CD86: variants seen among roughly 807,000 people sequenced by gnomAD.
CD86 encodes CD86 molecule.
CD86 carries 11 observed loss-of-function variants against 32.1 expected under a neutral mutation model. That is an observed-to-expected ratio of 0.34 (90% CI 0.22 to 0.57). The LOEUF (loss-of-function observed/expected upper bound fraction) is 0.57, where lower values mean the gene tolerates loss of function less well. Ranked by LOEUF, CD86 falls within the 20% of genes least tolerant of loss-of-function variation. The pLI, the probability that CD86 is intolerant of heterozygous loss-of-function variation, is 0.86. For synonymous variants in CD86, 137 were observed against 135.3 expected (o/e 1.01, Z -0.09); for missense variants, 359 against 398.4 (o/e 0.90, Z 0.84).
intron 2 of CD86, among the ~76,000 whole-genome samples, chr3:122,098,528 G>A (rs2072945101): frequency 6.6e-6 from 1 of 152,152 alleles, no homozygotes; most frequent in Non-Finnish European, 1.5e-5. Flanking sequence ...TTTGGATGTA[G>A]TTCTCAGTGT....
chr3:122,066,959 A>C (rs570114776), intron 1 of CD86, among the ~76,000 whole-genome samples: 3 of 152,306 alleles, frequency 2.0e-5, no homozygotes, highest in African/African-American at 7.2e-5. Context: ...CTAGATCTGC[A>C]AGGAAGAGTA....
chr3:122,063,423 C>T (rs1166571570), intron 1 of CD86, among the ~76,000 whole-genome samples: 2 of 151,786 alleles, frequency 1.3e-5, no homozygotes, highest in African/African-American at 4.8e-5. Context: ...TAAGAATCAA[C>T]CTAAATAAGT....
At chr3:122,064,105 C>T (rs1030998863) in intron 1 of CD86, among the ~76,000 whole-genome samples, 1 of 152,008 alleles carries the variant, frequency 6.6e-6, no homozygotes, top group Admixed American at 6.6e-5. Flanking sequence ...TCACAGGCAG[C>T]TTTTGAGGCA....
intron 4 of CD86, 140 bp downstream of exon 4, chr3:122,106,640 G>A (rs1217204335): frequency 4.2e-6 from 3 of 712,582 alleles, no homozygotes; most frequent in Non-Finnish European, 7.1e-6. Flanking sequence ...CCCAGATGGA[G>A]GTCTCCTGCT....
chr3:122,080,398 G>A (rs1339559685), intron 1 of CD86, among the ~76,000 whole-genome samples: 4 of 152,142 alleles, frequency 2.6e-5, no homozygotes, highest in African/African-American at 9.7e-5. Flanking sequence ...GGCGTGTCTT[G>A]TACACAGATT....
intron 1 of CD86, among the ~76,000 whole-genome samples, chr3:122,088,042 T>C (rs2072752681): frequency 6.6e-6 from 1 of 152,134 alleles, no homozygotes; most frequent in African/African-American, 2.4e-5. Flanking sequence ...TATAGTAAAA[T>C]ATAATTTGAT....
rs9282647 is a variant in CD86, at chr3:122,119,544, A to G, written c.*10A>G. On this transcript the variant is annotated 3_prime_UTR_variant, in exon 7 of 7. Transcript: ENST00000330540. ...TGATACATGTTTTTAATTAAAGAGT[A>G]AAGCCCATACAAGTATTCATTTTTT... 1.2e-4 allele frequency: 175 copies of G among 1,503,382 alleles called. No individual in the cohort carries two copies. In the African/African-American group the frequency reaches 1.9e-3, roughly 17 times the overall value. The allele number at this position is 1,503,382 out of a possible 1,614,324, so 93.1% of individuals were successfully genotyped here.
chr3:122,066,939 G>A (rs910923996), intron 1 of CD86, among the ~76,000 whole-genome samples: 1 of 152,168 alleles, frequency 6.6e-6, no homozygotes, highest in African/African-American at 2.4e-5. Context: ...GGCTCCAACT[G>A]TGGCATGATC....
intron 2 of CD86, among the ~76,000 whole-genome samples, chr3:122,095,032 T>C (rs758426988): frequency 4.7e-4 from 71 of 152,198 alleles, no homozygotes; most frequent in Non-Finnish European, 7.2e-4. Context: ...GAAGTATCTT[T>C]CCAGTTTGAG....
At chr3:122,089,927 CA>C (rs1487972195) in intron 1 of CD86, among the ~76,000 whole-genome samples, 1 of 152,186 alleles carries the variant, frequency 6.6e-6, no homozygotes, top group Non-Finnish European at 1.5e-5. Flanking sequence ...CAAAACCGTA[CA>C]TAGTATGCTA....
chr3:122,077,723 A>C, intron 1 of CD86: 2 of 980,110 alleles, frequency 2.0e-6, no homozygotes, highest in Non-Finnish European at 2.4e-6. Flanking sequence ...AGGGCTTTAC[A>C]CTCATGCTCC....
intron 1 of CD86, among the ~76,000 whole-genome samples, chr3:122,063,501 G>A (rs552716880): frequency 2.0e-5 from 3 of 152,026 alleles, no homozygotes; most frequent in South Asian, 2.1e-4. Context: ...GACAACATAA[G>A]GCTACATACA....
chr3:122,099,796 T>G (rs1214161323), intron 2 of CD86, among the ~76,000 whole-genome samples: 1 of 152,220 alleles, frequency 6.6e-6, no homozygotes, highest in Non-Finnish European at 1.5e-5. Flanking sequence ...TAGCTATGTA[T>G]CAATTGCTCA....
intron 1 of CD86, among the ~76,000 whole-genome samples, chr3:122,079,640 C>T (rs2072602910): frequency 6.6e-6 from 1 of 152,222 alleles, no homozygotes. Context: ...CAGCCCTTTA[C>T]TGGCCCTTAT....
chr3:122,106,319 A>T lies in CD86; in HGVS notation c.522A>T (p.Arg174Ser). 1 of 1,614,154 alleles carries T rather than the reference A, an allele frequency of 6.2e-7. No homozygotes were observed. Among genetic ancestry groups the T allele is most frequent in the Non-Finnish European group, 8.5e-7 (1 of 1,179,986 alleles). The change falls in exon 4 of 7, where the codon AGA (arginine) becomes AGT (serine). Residue 174 changes from arginine to serine, a missense_variant. Arg to Ser is a moderately radical substitution (Grantham distance 110). Coordinates refer to ENST00000330540, the MANE Select transcript of CD86 (RefSeq NM_175862.5). ...PEPKKMSVLL[R>S]TKNSTIEYDG... is the part of the protein sequence containing the mutation. The stretch of plus-strand genomic sequence containing the variant: ...CTAAGAAGATGAGTGTTTTGCTAAG[A>T]ACCAAGAATTCAACTATCGAGTATG...
intron 1 of CD86, among the ~76,000 whole-genome samples, chr3:122,080,212 A>G (rs1279738277): frequency 6.6e-6 from 1 of 152,196 alleles, no homozygotes; most frequent in Non-Finnish European, 1.5e-5. Context: ...CTCATACCTG[A>G]CAGTCAGAGC....
chr3:122,058,284 T>G (rs1043867780), intron 1 of CD86, among the ~76,000 whole-genome samples: 5 of 152,096 alleles, frequency 3.3e-5, no homozygotes, highest in African/African-American at 1.2e-4. Context: ...AAGTTGTGCT[T>G]TTGGGATGGA....
At position 122,085,993 on chromosome 3, in the gene CD86, C is replaced by T. The variant is rs149756749; in HGVS notation, c.15-5608C>T. Reference sequence around the variant, plus strand: ...AGAGACTGTGGTGTCCCCTGCTTTGCTCAGGGTAAGAACTCTTGTATACCT... The same window carrying T: ...AGAGACTGTGGTGTCCCCTGCTTTGTTCAGGGTAAGAACTCTTGTATACCT... On this transcript the variant is annotated intron_variant, in intron 1 of 6. Transcript: ENST00000330540. 8.3e-4 allele frequency among the ~76,000 whole-genome samples: 127 copies of T among 152,312 alleles called. 1 individual carries two copies. The highest frequency in any genetic ancestry group is 2.7e-3 in the African/African-American group (114 of 41,580).
intron 1 of CD86, among the ~76,000 whole-genome samples, chr3:122,076,656 C>T (rs572026416): frequency 6.6e-6 from 1 of 152,234 alleles, no homozygotes; most frequent in Non-Finnish European, 1.5e-5. Flanking sequence ...GTTTACAGAC[C>T]TCTGTAGTGA....
Sources: allele counts gnomAD v4.1 joint callset (sites outside exome capture counted in the v4.1 genomes callset), GRCh38; gene constraint gnomAD v4.1.1; transcripts MANE v1.5; gene names NCBI Gene and HGNC (gene_info 2026-07-23, HGNC 2026-07-21).